Variants in SMG6 observed in about 807,000 individuals in gnomAD.
SMG6 encodes the protein SMG6 nonsense mediated mRNA decay factor, also known as telomerase-binding protein EST1A.
SMG6 carries 66 observed loss-of-function variants against 142.2 expected under a neutral mutation model. That is an observed-to-expected ratio of 0.46 (90% CI 0.38 to 0.57). The LOEUF is 0.57. Among genes scored for constraint, SMG6 ranks in the 20% least tolerant of loss-of-function variants. The pLI is 0.00. For missense variants in SMG6, 1,793 were observed against 1,832.0 expected, an observed-to-expected ratio of 0.98 and a Z score of 0.39; for synonymous variants, 779 against 702.4, an observed-to-expected ratio of 1.11 and a Z score of -1.72.
At chr17:2,268,504 G>A (rs185273437) in intron 8 of SMG6, among the ~76,000 whole-genome samples, 139 of 152,272 alleles carry the variant, frequency 9.1e-4, no homozygotes, top group Non-Finnish European at 1.3e-3. Context: ...GGGGAGCAGT[G>A]ACTCATGCCT....
intron 8 of SMG6, among the ~76,000 whole-genome samples, chr17:2,282,390 C>CAAAAAAAAAAAAAAAAAAAA (rs576759563): frequency 1.2e-5 from 1 of 84,526 alleles, no homozygotes; most frequent in Non-Finnish European, 2.3e-5. Context: ...CAAAAAGCAG[C>CAAAAAAAAAAAAAAAAAAAA]AAAAAAAAAA....
intron 13 of SMG6, among the ~76,000 whole-genome samples, chr17:2,130,357 T>TGC (rs2070078145): frequency 6.6e-6 from 1 of 151,320 alleles, no homozygotes; most frequent in Admixed American, 6.6e-5. Context: ...ACAAAATCTG[T>TGC]GCGAGGGTTT....
chr17:2,267,303 AG>A (rs2074441629), intron 8 of SMG6, among the ~76,000 whole-genome samples: 1 of 151,936 alleles, frequency 6.6e-6, no homozygotes, highest in East Asian at 1.9e-4. Context: ...CTTCCAGACC[AG>A]AGTATTCTCC....
At chr17:2,277,134 T>C (rs2074667711) in intron 8 of SMG6, among the ~76,000 whole-genome samples, 1 of 108,572 alleles carries the variant, frequency 9.2e-6, no homozygotes, top group South Asian at 3.0e-4. Flanking sequence ...TATTTACACA[T>C]TTATTTATTT....
chr17:2,286,478 G>A (rs1365119912), intron 6 of SMG6, among the ~76,000 whole-genome samples: 1 of 152,096 alleles, frequency 6.6e-6, no homozygotes, highest in Non-Finnish European at 1.5e-5. Context: ...CTTTTTACAA[G>A]GGAACCAAGA....
chr17:2,096,839 C>T (rs551766598), intron 13 of SMG6, among the ~76,000 whole-genome samples: 13 of 144,568 alleles, frequency 9.0e-5, no homozygotes, highest in African/African-American at 3.5e-4. Flanking sequence ...TCCACAGGAA[C>T]CTCACACTAA....
At chr17:2,149,729 A>G (rs2070771458) in intron 13 of SMG6, among the ~76,000 whole-genome samples, 1 of 152,202 alleles carries the variant, frequency 6.6e-6, no homozygotes, top group African/African-American at 2.4e-5. Flanking sequence ...GGACTGCTTC[A>G]GTTGTCTTTT....
intron 13 of SMG6, among the ~76,000 whole-genome samples, chr17:2,096,789 C>T (rs528333954): frequency 6.8e-4 from 103 of 152,208 alleles, no homozygotes; most frequent in African/African-American, 2.4e-3. Context: ...AAGACAGATG[C>T]AGTCCTTGAC....
intron 13 of SMG6, among the ~76,000 whole-genome samples, chr17:2,131,409 C>T (rs561102682): frequency 6.6e-6 from 1 of 152,180 alleles, no homozygotes; most frequent in South Asian, 2.1e-4. Context: ...GATTCTCCTG[C>T]CTCAGCCTCC....
intron 13 of SMG6, among the ~76,000 whole-genome samples, chr17:2,088,961 A>T (rs2068640854): frequency 6.6e-6 from 1 of 152,196 alleles, no homozygotes; most frequent in Non-Finnish European, 1.5e-5. Context: ...AAAAAGCAAC[A>T]CAAGACAGTT....
chr17:2,101,963 G>A (rs1003915934), intron 13 of SMG6, among the ~76,000 whole-genome samples: 1 of 76,092 alleles, frequency 1.3e-5, no homozygotes, highest in Non-Finnish European at 2.3e-5. Flanking sequence ...GAAATTCACA[G>A]AAGAAGAGAA....
At chr17:2,287,080 T>C (rs1462232368) in intron 6 of SMG6, among the ~76,000 whole-genome samples, 2 of 152,096 alleles carry the variant, frequency 1.3e-5, no homozygotes, top group Non-Finnish European at 2.9e-5. Flanking sequence ...TACAGGCGCC[T>C]GCCACTGCGC....
intron 16 of SMG6, among the ~76,000 whole-genome samples, chr17:2,066,308 G>C (rs1049149906): frequency 2.0e-5 from 3 of 151,784 alleles, no homozygotes; most frequent in Non-Finnish European, 2.9e-5. Context: ...GTGTGTACAT[G>C]TATGTGTGTG....
At position 2,258,556 on chromosome 17, in the gene SMG6, C is replaced by CAA. The variant is rs546129106; in HGVS notation, c.2662-13839_2662-13838dup. On this transcript the variant is annotated intron_variant, in intron 8 of 18. Transcript: ENST00000263073. ...TAGGCGACAGAGTAAGACTCTGTCTCAAAAAAAAAAAAAAAAAGGCAACCT... is the reference window on the plus strand; with the variant it reads ...TAGGCGACAGAGTAAGACTCTGTCTCAAAAAAAAAAAAAAAAAAAGGCAACCT... Among the ~76,000 whole-genome samples the CAA allele has an allele frequency of 9.8e-4, 86 of 88,196 alleles. 1 individual carries two copies. The highest frequency in any genetic ancestry group is 1.4e-3 in the Non-Finnish European group (64 of 46,830). The allele number at this position is 88,196 out of a possible 152,430, so 57.9% of individuals were successfully genotyped here.
chr17:2,141,848 T>C (rs998454946), intron 13 of SMG6, among the ~76,000 whole-genome samples: 1 of 152,222 alleles, frequency 6.6e-6, no homozygotes, highest in African/African-American at 2.4e-5. Flanking sequence ...TTTCATTAGA[T>C]AAGAGACTGG....
intron 8 of SMG6, among the ~76,000 whole-genome samples, chr17:2,275,284 T>C (rs901712956): frequency 1.3e-5 from 2 of 152,064 alleles, no homozygotes; most frequent in African/African-American, 4.8e-5. Flanking sequence ...CAGCTGGGCA[T>C]GGTGGTGCGT....
chr17:2,079,460 T>C (rs990663660), intron 15 of SMG6, among the ~76,000 whole-genome samples: 79 of 136,822 alleles, frequency 5.8e-4, no homozygotes, highest in Non-Finnish European at 1.1e-3. Context: ...TGGTGAAACC[T>C]GGTCTCTACG....
intron 13 of SMG6, among the ~76,000 whole-genome samples, chr17:2,152,482 T>G (rs991502813): frequency 6.6e-6 from 1 of 152,134 alleles, no homozygotes; most frequent in Admixed American, 6.5e-5. Flanking sequence ...ATCCTAAATA[T>G]ATAAAGACCT....
At chr17:2,285,720 C>T (rs948604009) in intron 6 of SMG6, among the ~76,000 whole-genome samples, 2 of 152,058 alleles carry the variant, frequency 1.3e-5, no homozygotes, top group African/African-American at 4.8e-5. Context: ...GTCATCCAGG[C>T]TGGAGTGCAG....
Sources: gnomAD v4.1 joint callset for allele counts (sites outside exome capture counted in the v4.1 genomes callset) on GRCh38, gnomAD v4.1.1 for gene constraint, MANE v1.5 for transcripts, NCBI Gene and HGNC (gene_info 2026-07-23, HGNC 2026-07-21) for gene names.